The following TERB1 variants were observed in gnomAD, a reference collection of about 807,000 sequenced individuals.
TERB1 encodes telomere repeats-binding bouquet formation protein 1.
In TERB1, 63 loss-of-function variants were observed where a neutral mutation model predicts 92.3. The ratio of observed to expected loss-of-function variants is 0.68; its 90% CI spans 0.56 to 0.84. The LOEUF (loss-of-function observed/expected upper bound fraction) is 0.84, where lower values mean the gene tolerates loss of function less well. Ranked by LOEUF, TERB1 falls within the 40% of genes least tolerant of loss-of-function variation. The pLI is 0.00. For missense variants in TERB1, 709 were observed against 843.7 expected, an observed-to-expected ratio of 0.84 and a Z score of 1.98; for synonymous variants, 252 against 283.9, an observed-to-expected ratio of 0.89 and a Z score of 1.13.
intron 3 of TERB1, among the ~76,000 whole-genome samples, 161 bp from the exon 4 acceptor site, chr16:66,791,180 AT>A (rs1295481603): frequency 6.6e-6 from 1 of 152,146 alleles, no homozygotes; most frequent in Non-Finnish European, 1.5e-5. Context: ...TTTTTTAAAA[AT>A]GTTCTTTAAA....
intron 15 of TERB1, 97 bp downstream of exon 15, chr16:66,768,007 C>T (rs950936347): frequency 5.1e-6 from 5 of 971,446 alleles, no homozygotes; most frequent in East Asian, 2.7e-5. Context: ...GGATTACAGG[C>T]GTGAGCCACC....
chr16:66,780,962 C>A (rs1469116871), intron 9 of TERB1, among the ~76,000 whole-genome samples: 1 of 120,118 alleles, frequency 8.3e-6, no homozygotes, highest in African/African-American at 3.6e-5. Flanking sequence ...CAATATTTAA[C>A]ATGACCACTT....
chr16:66,794,352 G>A (rs552557463), intron 3 of TERB1, among the ~76,000 whole-genome samples: 107 of 152,016 alleles, frequency 7.0e-4, no homozygotes, highest in African/African-American at 2.3e-3. Context: ...CTCCCACCTC[G>A]GCCTCCCAAA....
intron 2 of TERB1, chr16:66,800,079 G>C (rs933198115): frequency 6.6e-6 from 1 of 152,104 alleles, no homozygotes; most frequent in East Asian, 1.9e-4. Flanking sequence ...AAAGCTTTTG[G>C]GGGGCCGGGC....
At chr16:66,784,479 ACAC>A (rs1010056224) in intron 9 of TERB1, among the ~76,000 whole-genome samples, 9 of 151,536 alleles carry the variant, frequency 5.9e-5, no homozygotes, top group Middle Eastern at 3.4e-3. Context: ...TTACATGTGC[ACAC>A]CACCACACCA....
chr16:66,789,017 CAAA>C (rs57876042), intron 5 of TERB1, among the ~76,000 whole-genome samples: 1 of 68,328 alleles, frequency 1.5e-5, no homozygotes. Flanking sequence ...GGTATGGTAC[CAAA>C]AAAAAAAAAA....
In TERB1 at chr16:66,754,893, G is replaced by C; in HGVS notation, c.*83C>G. On this transcript the variant is annotated 3_prime_UTR_variant, in exon 19 of 19. Transcript: ENST00000433154. ...CTCATTTCCACATTCCTTCTCATGA[G>C]AGTTTAGAAAAATACTTTAAATGTA... 2 of 1,258,018 alleles carry C rather than the reference G, an allele frequency of 1.6e-6. No individual in the cohort carries two copies. The highest frequency in any genetic ancestry group is 2.8e-5 in the South Asian group (2 of 70,302). 77.9% of individuals were successfully genotyped at this position (1,258,018 alleles called of 1,614,324 possible). A position where few individuals can be genotyped will look rare whatever the true frequency, so the allele number is the denominator to read the frequency against.
intron 11 of TERB1, among the ~76,000 whole-genome samples, chr16:66,776,880 C>G (rs1443589032): frequency 6.6e-6 from 1 of 151,858 alleles, no homozygotes; most frequent in Non-Finnish European, 1.5e-5. Flanking sequence ...GGAGCTTTCT[C>G]CCTGTGCTGC....
chr16:66,776,104 C>T (rs1460164296), intron 11 of TERB1, among the ~76,000 whole-genome samples: 6 of 151,914 alleles, frequency 3.9e-5, no homozygotes, highest in East Asian at 3.9e-4. Context: ...CCGAGGCAGG[C>T]GGATCACCTG....
At chr16:66,771,232 G>C (rs1322891909) in intron 13 of TERB1, among the ~76,000 whole-genome samples, 1 of 151,878 alleles carries the variant, frequency 6.6e-6, no homozygotes, top group Non-Finnish European at 1.5e-5. Flanking sequence ...TCCCACTTAA[G>C]ATAAATAAAT....
chr16:66,782,873 T>C (rs1004967108), intron 9 of TERB1, among the ~76,000 whole-genome samples: 4 of 152,206 alleles, frequency 2.6e-5, no homozygotes, highest in African/African-American at 9.6e-5. Context: ...TGTGTGTGTG[T>C]GGCTGGGGCG....
intron 10 of TERB1, among the ~76,000 whole-genome samples, chr16:66,778,527 CTT>C (rs2018585570): frequency 6.6e-6 from 1 of 152,190 alleles, no homozygotes; most frequent in Non-Finnish European, 1.5e-5. Context: ...AAGCGATTCT[CTT>C]GTCTTGGCCT....
chr16:66,781,431 C>T (rs1333326465), intron 9 of TERB1, among the ~76,000 whole-genome samples: 2 of 151,942 alleles, frequency 1.3e-5, no homozygotes, highest in Non-Finnish European at 2.9e-5. Context: ...AAATCTTTTG[C>T]CCATTTTTTT....
chr16:66,790,301 G>T (rs2018808300), intron 5 of TERB1, among the ~76,000 whole-genome samples: 1 of 147,382 alleles, frequency 6.8e-6, no homozygotes, highest in African/African-American at 2.5e-5. Context: ...GGAGAGGAGG[G>T]GAGGAGAAGG....
At chr16:66,786,874 A>G (rs1225862693) in intron 6 of TERB1, among the ~76,000 whole-genome samples, 1 of 151,994 alleles carries the variant, frequency 6.6e-6, no homozygotes, top group Non-Finnish European at 1.5e-5. Flanking sequence ...AGGCTGCCCT[A>G]CCCCCACCCA....
chr16:66,763,564 C>T, intron 16 of TERB1, among the ~76,000 whole-genome samples: 1 of 152,146 alleles, frequency 6.6e-6, no homozygotes, highest in East Asian at 1.9e-4. Flanking sequence ...TTGTCCGTCT[C>T]TCTCTTTTTT....
chr16:66,768,221 C>A, intron 14 of TERB1, 53 bp from the exon 15 acceptor site: 1 of 1,315,126 alleles, frequency 7.6e-7, no homozygotes, highest in Non-Finnish European at 1.1e-6. Context: ...GTTTGGTGTG[C>A]GGACCAATGT....
chr16:66,791,112 T>A, intron 3 of TERB1, 93 bp from the exon 4 acceptor site: 1 of 610,636 alleles, frequency 1.6e-6, no homozygotes, highest in South Asian at 2.9e-5. Context: ...ATCTTTGGAA[T>A]GGTCAACTTT....
intron 3 of TERB1, among the ~76,000 whole-genome samples, chr16:66,794,881 G>T (rs1462634650): frequency 6.9e-6 from 1 of 144,722 alleles, no homozygotes; most frequent in Non-Finnish European, 1.5e-5. Context: ...CTGCACTCCA[G>T]CCTGGGCGAC....
Sources: gnomAD v4.1 joint callset for allele counts (sites outside exome capture counted in the v4.1 genomes callset) on GRCh38, gnomAD v4.1.1 for gene constraint, MANE v1.5 for transcripts, NCBI Gene and HGNC (gene_info 2026-07-23, HGNC 2026-07-21) for gene names.